USP3: variants seen among roughly 807,000 people sequenced by gnomAD.
The protein encoded by USP3 is ubiquitin carboxyl-terminal hydrolase 3.
In USP3, 20 loss-of-function variants were observed where a neutral mutation model predicts 72.3. That is an observed-to-expected ratio of 0.28 (90% CI 0.19 to 0.40). USP3 has a LOEUF of 0.40. Ranked by LOEUF, USP3 falls within the 10% of genes least tolerant of loss-of-function variation. The pLI is 1.00. For missense variants in USP3, 479 were observed against 633.9 expected (o/e 0.76, Z 2.62); for synonymous variants, 222 against 225.3 (o/e 0.99, Z 0.13).
At chr15:63,530,687 C>A in intron 1 of USP3, 1 of 373,584 alleles carries the variant, frequency 2.7e-6, no homozygotes. Context: ...CTCAGTACTC[C>A]AAATCATACC....
At chr15:63,505,670 CCT>C (rs1377534647) in intron 1 of USP3, among the ~76,000 whole-genome samples, 11 of 152,166 alleles carry the variant, frequency 7.2e-5, no homozygotes, top group Non-Finnish European at 4.4e-5. Context: ...GCCCCAGTGC[CCT>C]CTCATTGTCT....
intron 8 of USP3, among the ~76,000 whole-genome samples, chr15:63,566,562 C>G (rs1236699568): frequency 1.3e-5 from 2 of 152,218 alleles, no homozygotes; most frequent in African/African-American, 4.8e-5. Flanking sequence ...ATCCACCCGT[C>G]TTGGCCTCCC....
Position 63,529,208 on chromosome 15 carries a change from A to G in USP3, c.92-3439A>G, listed in dbSNP as rs1200578018. The G allele has an allele frequency of 2.1e-6, 1 of 469,614 alleles. No individual in the cohort carries two copies. Among genetic ancestry groups the G allele is most frequent in the Non-Finnish European group, 3.9e-6 (1 of 255,630 alleles). 29.1% of individuals were successfully genotyped at this position (469,614 alleles called of 1,614,324 possible). A position where few individuals can be genotyped will look rare whatever the true frequency, so the allele number is the denominator to read the frequency against. On this transcript the variant is annotated intron_variant, in intron 1 of 14. Coordinates refer to ENST00000380324, the MANE Select transcript of USP3 (RefSeq NM_006537.4). The surrounding 1 kb of genome is among the most constrained non-coding windows in gnomAD (Gnocchi z 4.2). Reference sequence around the variant, plus strand: ...TTTTTTTTTCTTTTTTTTGAGATATATTAAAAGGCACAGTCCATAGTCACT... The same window carrying G: ...TTTTTTTTTCTTTTTTTTGAGATATGTTAAAAGGCACAGTCCATAGTCACT...
intron 11 of USP3, among the ~76,000 whole-genome samples, chr15:63,584,916 A>G (rs73444671): frequency 0.022 from 3,353 of 149,710 alleles, 119 homozygotes; most frequent in African/African-American, 0.074. Flanking sequence ...CCTTTGATCT[A>G]TTTAAATTTT....
At chr15:63,584,072 C>T (rs2067010304) in intron 11 of USP3, among the ~76,000 whole-genome samples, 1 of 151,266 alleles carries the variant, frequency 6.6e-6, no homozygotes, top group Non-Finnish European at 1.5e-5. Context: ...ACATTCCCAC[C>T]AGCAAGGTAC....
chr15:63,588,482 G>T lies in USP3; in HGVS notation c.1215+59G>T. On this transcript the variant is annotated intron_variant, in intron 12 of 14. Transcript: ENST00000380324. The surrounding 1 kb of genome is among the most constrained non-coding windows in gnomAD (Gnocchi z 4.6). ...CAATGGGAAAGTGCTTGACTGCTAA[G>T]ACCATGTCTATAACTTTACACTATG... 8.0e-7 allele frequency: 1 copy of T among 1,248,944 alleles called. No individual in the cohort carries two copies. Among genetic ancestry groups the T allele is most frequent in the Non-Finnish European group, 1.1e-6 (1 of 873,138 alleles). The allele number at this position is 1,248,944 out of a possible 1,614,324, so 77.4% of individuals were successfully genotyped here.
At chr15:63,563,207 G>T (rs1201639178) in intron 8 of USP3, among the ~76,000 whole-genome samples, 199 bp downstream of exon 8, 1 of 152,092 alleles carries the variant, frequency 6.6e-6, no homozygotes, top group Non-Finnish European at 1.5e-5. Context: ...ATAGACTATA[G>T]AAATGTCTTT....
chr15:63,580,334 G>A (rs1012607475), intron 11 of USP3, among the ~76,000 whole-genome samples: 38 of 152,078 alleles, frequency 2.5e-4, no homozygotes, highest in African/African-American at 9.2e-4. Context: ...TGGGATTCAG[G>A]AGGGAAATGG....
intron 1 of USP3, among the ~76,000 whole-genome samples, chr15:63,527,247 C>A (rs2065995981): frequency 6.6e-6 from 1 of 152,184 alleles, no homozygotes; most frequent in Non-Finnish European, 1.5e-5. Context: ...ATCACCTACT[C>A]TTCATTTTAC....
intron 1 of USP3, chr15:63,515,377 G>A (rs1381305054): frequency 2.0e-5 from 3 of 152,236 alleles, no homozygotes; most frequent in African/African-American, 7.2e-5. Context: ...AAAGCATAAG[G>A]AATCCATTTA....
chr15:63,556,958 G>A (rs1037821795), intron 5 of USP3: 5 of 442,954 alleles, frequency 1.1e-5, no homozygotes, highest in South Asian at 9.5e-5. Context: ...TCCCATCAGC[G>A]TTACTGCTGT....
chr15:63,554,705 G>C (rs2066483773), intron 4 of USP3, among the ~76,000 whole-genome samples: 1 of 152,194 alleles, frequency 6.6e-6, no homozygotes, highest in Non-Finnish European at 1.5e-5. Flanking sequence ...GGGCAGTACT[G>C]TGTAGTGTTT....
chr15:63,592,016 A>G lies in USP3; in HGVS notation c.*1190A>G, dbSNP rs1352197606. 3 of 151,970 alleles carry G rather than the reference A, an allele frequency of 2.0e-5. No homozygotes were observed. The highest frequency in any genetic ancestry group is 2.9e-5 in the Non-Finnish European group (2 of 68,010). The allele number at this position is 151,970 out of a possible 1,614,324, so 9.4% of individuals were successfully genotyped here. ...TGCAACCTCGGCCTCCCGAGTAGCA[A>G]TTCTCCTGCCTCAACCTCCTGAGTA... On this transcript the variant is annotated 3_prime_UTR_variant, in exon 15 of 15. Transcript: ENST00000380324.
chr15:63,546,377 G>A (rs2066327598), intron 3 of USP3, among the ~76,000 whole-genome samples: 2 of 151,608 alleles, frequency 1.3e-5, no homozygotes. Context: ...AGGCTTCAGA[G>A]GACCAATCTA....
rs1173480263 is a variant in USP3, at chr15:63,560,949, T to C, written c.647+979T>C. 5.9e-5 allele frequency among the ~76,000 whole-genome samples: 9 copies of C among 152,284 alleles called. No individual in the cohort carries two copies. In the East Asian group the frequency reaches 1.7e-3, roughly 29 times the overall value. On this transcript the variant is annotated intron_variant, in intron 7 of 14. Coordinates refer to ENST00000380324, the MANE Select transcript of USP3 (RefSeq NM_006537.4). Reference sequence around the variant, plus strand: ...CTGAAGGGGTGATCAGACACTTTCCTGCCTTGGTGGCTGAGGGAGAGTAGG... The same window carrying C: ...CTGAAGGGGTGATCAGACACTTTCCCGCCTTGGTGGCTGAGGGAGAGTAGG...
rs1595716921 is a variant in USP3 at position 63,529,625 on chromosome 15, A to G, written c.92-3022A>G. Among the ~76,000 whole-genome samples, 1 of 152,236 alleles carries G rather than the reference A, an allele frequency of 6.6e-6. No homozygotes were observed. The highest frequency in any genetic ancestry group is 1.5e-5 in the Non-Finnish European group (1 of 68,040). ...GTTCTAAATGCAGGAACATGAAGAA[A>G]TGTGTTCATGCACCTTGAGTGGGGA... On this transcript the variant is annotated intron_variant, in intron 1 of 14. Transcript: ENST00000380324. The surrounding 1 kb of genome is among the most constrained non-coding windows in gnomAD (Gnocchi z 4.2).
At chr15:63,564,440 C>T (rs2066656201) in intron 8 of USP3, among the ~76,000 whole-genome samples, 1 of 152,068 alleles carries the variant, frequency 6.6e-6, no homozygotes, top group Admixed American at 6.5e-5. Context: ...TTGAACAAGG[C>T]CCGTTAACTA....
At position 63,574,159 on chromosome 15, in the gene USP3, T is replaced by C. The variant is rs1424329455; in HGVS notation, c.1015+7T>C. The C allele has an allele frequency of 1.3e-6, 2 of 1,555,380 alleles. No individual in the cohort carries two copies. Among genetic ancestry groups the C allele is most frequent in the Admixed American group, 3.8e-5 (2 of 53,244 alleles). ...AAGTTTGATCCATTCCTAGGTAAGA[T>C]ATATGTGGCATGTGGATATATAATA... On this transcript the variant is annotated splice_region_variant and intron_variant, in intron 10 of 14. Coordinates refer to ENST00000380324, the MANE Select transcript of USP3 (RefSeq NM_006537.4). The surrounding 1 kb of genome is among the most constrained non-coding windows in gnomAD (Gnocchi z 4.6).
intron 7 of USP3, 34 bp downstream of exon 7, chr15:63,560,004 A>AG: frequency 6.3e-7 from 1 of 1,578,290 alleles, no homozygotes; most frequent in Non-Finnish European, 8.6e-7. Flanking sequence ...TCTGGCTTTG[A>AG]GTTACAAAAC....
Sources: allele counts gnomAD v4.1 joint callset (sites outside exome capture counted in the v4.1 genomes callset), GRCh38; gene constraint gnomAD v4.1.1; non-coding constraint Gnocchi (gnomAD v3.1); transcripts MANE v1.5; gene names NCBI Gene and HGNC (gene_info 2026-07-23, HGNC 2026-07-21).